The following DPP6 variants were observed in gnomAD, a reference collection of about 807,000 sequenced individuals.
DPP6 encodes the protein A-type potassium channel modulatory protein DPP6.
In DPP6, 69 loss-of-function variants were observed where a neutral mutation model predicts 122.6. That is an observed-to-expected ratio of 0.56 (90% confidence interval 0.46 to 0.69). DPP6 has a LOEUF of 0.69. Ranked by LOEUF, DPP6 falls within the 30% of genes least tolerant of loss-of-function variation. The pLI is 0.00. For missense variants in DPP6, 928 were observed against 1,116.9 expected (o/e 0.83, Z 2.41); for synonymous variants, 418 against 433.1 (o/e 0.97, Z 0.43).
chr7:153,773,326 A>ATT, the DPP6 span, among the ~76,000 whole-genome samples: 2,285 of 47,230 alleles, frequency 0.048, 26 homozygotes, highest in Non-Finnish European at 0.091. Context: ...ATATATATAT[A>ATT]TATATTTTTT....
At chr7:154,747,082 A>G (rs1272963878) in intron 8 of DPP6, among the ~76,000 whole-genome samples, 1 of 152,206 alleles carries the variant, frequency 6.6e-6, no homozygotes, top group African/African-American at 2.4e-5. Context: ...TGGTTTTCAG[A>G]AAATAACATG....
At chr7:153,874,708 C>T in the DPP6 span, among the ~76,000 whole-genome samples, 2 of 152,072 alleles carry the variant, frequency 1.3e-5, no homozygotes, top group South Asian at 4.1e-4. Context: ...AAATGGAAAC[C>T]ATTTAAAATC....
chr7:154,063,612 C>T lies in DPP6; in HGVS notation c.243+10549C>T, dbSNP rs1439020971. Among the ~76,000 whole-genome samples, 4 of 126,424 alleles carry T rather than the reference C, an allele frequency of 3.2e-5. 1 individual carries two copies. Among genetic ancestry groups the T allele is most frequent in the South Asian group, 5.7e-4 (2 of 3,514 alleles). 82.9% of individuals were successfully genotyped at this position (126,424 alleles called of 152,430 possible). The stretch of plus-strand genomic sequence containing the variant: ...TACCCCCATCGCAGTGAGGGAGGCA[C>T]CCCCCACGAGGCAGGGACTGAGAGC... On this transcript the variant is annotated intron_variant, in intron 1 of 25. Coordinates refer to ENST00000377770, the MANE Select transcript of DPP6 (RefSeq NM_130797.4).
At chr7:154,713,441 C>T (rs1467898161) in intron 7 of DPP6, among the ~76,000 whole-genome samples, 1 of 152,216 alleles carries the variant, frequency 6.6e-6, no homozygotes, top group East Asian at 1.9e-4. Flanking sequence ...CCAGGAGGGC[C>T]CCACCTCTGC....
At chr7:154,637,767 A>T (rs1300537043) in intron 5 of DPP6, 54 bp from the exon 6 acceptor site, 2 of 1,516,244 alleles carry the variant, frequency 1.3e-6, no homozygotes, top group African/African-American at 1.4e-5. Context: ...GAAAAATATC[A>T]TCGTAACAGC....
At chr7:154,844,639 G>A (rs2316533) in intron 16 of DPP6, among the ~76,000 whole-genome samples, 58,960 of 152,112 alleles carry the variant, frequency 0.39, 13,931 homozygotes, top group East Asian at 0.8. Flanking sequence ...AGACAGTAGT[G>A]GGCATGCATC....
intron 1 of DPP6, among the ~76,000 whole-genome samples, chr7:154,389,522 A>G (rs1220041190): frequency 6.6e-6 from 1 of 152,130 alleles, no homozygotes; most frequent in East Asian, 1.9e-4. Context: ...TTATTTCACT[A>G]TGGCTTTGCA....
intron 5 of DPP6, among the ~76,000 whole-genome samples, chr7:154,635,994 G>T (rs1223393681): frequency 6.6e-6 from 1 of 152,118 alleles, no homozygotes; most frequent in Admixed American, 6.5e-5. Context: ...ACACTAAAGG[G>T]TACAGAATTA....
chr7:154,480,386 G>A lies in DPP6; in HGVS notation c.457+5349G>A, dbSNP rs138505787. 2.0e-3 allele frequency among the ~76,000 whole-genome samples: 311 copies of A among 152,258 alleles called. 1 individual carries two copies. The highest frequency in any genetic ancestry group is 6.8e-3 in the Middle Eastern group (2 of 294). ...ACTCTCCGAAACTCCTCTTGTCAAG[G>A]TCAGAGATGACCTCCAGGTTGCTAA... On this transcript the variant is annotated intron_variant, in intron 3 of 25. Transcript: ENST00000377770.
At chr7:153,940,221 C>T (rs964302819) in intron 1 of DPP6, among the ~76,000 whole-genome samples, 2 of 152,262 alleles carry the variant, frequency 1.3e-5, no homozygotes, top group Non-Finnish European at 2.9e-5. Flanking sequence ...CTGGTGCTGA[C>T]CTAGCCATGA....
At chr7:154,093,480 C>G (rs542672993) in intron 1 of DPP6, among the ~76,000 whole-genome samples, 265 of 120,930 alleles carry the variant, frequency 2.2e-3, no homozygotes, top group African/African-American at 8.4e-3. Flanking sequence ...ATCATATACA[C>G]CACACACAAA....
the DPP6 span, among the ~76,000 whole-genome samples, chr7:153,796,414 G>T: frequency 7.0e-6 from 1 of 143,528 alleles, no homozygotes; most frequent in Non-Finnish European, 1.5e-5. Flanking sequence ...TGATATTAAC[G>T]TGCTCCTCTG....
At chr7:153,840,685 G>A in the DPP6 span, among the ~76,000 whole-genome samples, 1 of 152,116 alleles carries the variant, frequency 6.6e-6, no homozygotes, top group East Asian at 1.9e-4. Context: ...GAAACCATCT[G>A]GATAGAGTTC....
At chr7:154,389,758 A>G (rs920591906) in intron 1 of DPP6, among the ~76,000 whole-genome samples, 4 of 152,216 alleles carry the variant, frequency 2.6e-5, no homozygotes, top group Non-Finnish European at 2.9e-5. Context: ...TTCTTAGACA[A>G]AAGCCCATTT....
chr7:154,216,533 T>C (rs991256945), intron 1 of DPP6, among the ~76,000 whole-genome samples: 9 of 152,132 alleles, frequency 5.9e-5, no homozygotes, highest in African/African-American at 1.9e-4. Context: ...AGGAGAAGGA[T>C]TGGTAGCAAA....
chr7:154,463,238 C>T (rs12056159), intron 2 of DPP6, among the ~76,000 whole-genome samples: 91,267 of 132,752 alleles, frequency 0.69, 31,450 homozygotes, highest in East Asian at 0.91. Context: ...GACGGAGTCT[C>T]GCTCTGTCGC....
chr7:154,872,498 C>CT, intron 18 of DPP6, 126 bp from the exon 19 acceptor site: 3 of 1,419,174 alleles, frequency 2.1e-6, no homozygotes, highest in Non-Finnish European at 2.8e-6. Flanking sequence ...GGGCCAGTCT[C>CT]TGTCTGTGGG....
chr7:154,306,106 T>C (rs1806318799), intron 1 of DPP6, among the ~76,000 whole-genome samples: 1 of 152,152 alleles, frequency 6.6e-6, no homozygotes. Flanking sequence ...CTGTCCCTGC[T>C]AGAGAAGCCG....
chr7:154,680,057 G>T (rs929182749), intron 7 of DPP6, among the ~76,000 whole-genome samples: 1 of 152,166 alleles, frequency 6.6e-6, no homozygotes, highest in African/African-American at 2.4e-5. Context: ...AGAGTGAGGA[G>T]AATTAGGAAA....
Sources: gnomAD v4.1 joint callset for allele counts (sites outside exome capture counted in the v4.1 genomes callset) on GRCh38, gnomAD v4.1.1 for gene constraint, MANE v1.5 for transcripts, NCBI Gene and HGNC (gene_info 2026-07-23, HGNC 2026-07-21) for gene names.